Variants in GRIP1 observed in about 807,000 individuals in gnomAD.
GRIP1 encodes the protein glutamate receptor-interacting protein 1.
A neutral mutation model predicts 129.9 loss-of-function variants in GRIP1; 45 were observed. That is an observed-to-expected ratio of 0.35 (90% CI 0.27 to 0.44). GRIP1 has a LOEUF of 0.44. Ranked by LOEUF, GRIP1 falls within the 20% of genes least tolerant of loss-of-function variation. The probability of loss-of-function intolerance (pLI) is 1.00; values close to 1 mark genes in which losing one functional copy is unlikely to be tolerated. For synonymous variants in GRIP1, 530 were observed against 520.8 expected (o/e 1.02, Z -0.24); for missense variants, 1,196 against 1,396.8 (o/e 0.86, Z 2.29).
At chr12:66,675,696 C>T (rs1047071744) in intron 1 of GRIP1, among the ~76,000 whole-genome samples, 3 of 152,240 alleles carry the variant, frequency 2.0e-5, no homozygotes, top group East Asian at 1.9e-4. Context: ...TGGGATTTGG[C>T]TCTAAGGTTG....
rs780597898 is a variant in GRIP1, at chr12:66,392,453, A to G, written c.2319T>C (p.Ser773=). The change falls in exon 19 of 25, where the codon AGT becomes AGC. Residue 773 remains serine (S), a synonymous_variant. Transcript: ENST00000359742. ...AGTCCTCCTCCACATCCCCCAGGTC[A>G]CTCAAATGGCTAGAAATAGGGAACT... ...PKKFPISSHL[S]DLGDVEEDSS... 3.1e-6 allele frequency: 5 copies of G among 1,614,078 alleles called. No homozygotes were observed. Among genetic ancestry groups the G allele is most frequent in the Non-Finnish European group, 4.2e-6 (5 of 1,180,004 alleles).
chr12:66,986,816 C>A (rs2042319134), intron 1 of GRIP1, among the ~76,000 whole-genome samples: 1 of 147,690 alleles, frequency 6.8e-6, no homozygotes, highest in African/African-American at 2.5e-5. Flanking sequence ...TACCCTAAAA[C>A]TTAAAGTATA....
At chr12:66,987,391 C>A (rs1206716382) in intron 1 of GRIP1, among the ~76,000 whole-genome samples, 1 of 152,174 alleles carries the variant, frequency 6.6e-6, no homozygotes, top group Non-Finnish European at 1.5e-5. Context: ...CAGGCTTTTA[C>A]TTTTCTGACA....
At chr12:66,687,785 A>G (rs983523740) in intron 1 of GRIP1, among the ~76,000 whole-genome samples, 15 of 151,822 alleles carry the variant, frequency 9.9e-5, no homozygotes, top group African/African-American at 3.6e-4. Flanking sequence ...TGGAGCTGGC[A>G]CTCCCCTACG....
intron 1 of GRIP1, among the ~76,000 whole-genome samples, chr12:66,691,445 CA>C (rs2034979248): frequency 6.6e-6 from 1 of 152,150 alleles, no homozygotes; most frequent in South Asian, 2.1e-4. Context: ...AATTTACTTT[CA>C]AGTTTTTACA....
At chr12:66,884,859 A>G (rs948734547) in intron 1 of GRIP1, among the ~76,000 whole-genome samples, 3 of 152,138 alleles carry the variant, frequency 2.0e-5, no homozygotes, top group African/African-American at 7.2e-5. Context: ...AAAATTCTCC[A>G]CTCTTTGAAG....
intron 1 of GRIP1, among the ~76,000 whole-genome samples, chr12:66,842,330 T>C (rs1340397479): frequency 6.6e-6 from 1 of 152,056 alleles, no homozygotes; most frequent in Non-Finnish European, 1.5e-5. Context: ...ACCAATACAA[T>C]TGTATATTGG....
At chr12:66,882,759 T>C (rs996747038) in intron 1 of GRIP1, among the ~76,000 whole-genome samples, 7 of 152,214 alleles carry the variant, frequency 4.6e-5, no homozygotes, top group Non-Finnish European at 8.8e-5. Flanking sequence ...ATTTTGCTTT[T>C]CAGTTCCAAA....
intron 1 of GRIP1, among the ~76,000 whole-genome samples, chr12:66,871,546 AATG>A (rs2040296333): frequency 6.6e-6 from 1 of 152,076 alleles, no homozygotes; most frequent in Non-Finnish European, 1.5e-5. Context: ...TGAGGTGCTT[AATG>A]AAATACCTGG....
intron 1 of GRIP1, among the ~76,000 whole-genome samples, chr12:66,730,701 CAAAA>C (rs3051132): frequency 1.4e-5 from 1 of 71,184 alleles, no homozygotes; most frequent in Non-Finnish European, 2.7e-5. Flanking sequence ...GGGTCATCTA[CAAAA>C]AAAAAAAAAA....
At chr12:66,766,661 A>G (rs781473746) in intron 1 of GRIP1, among the ~76,000 whole-genome samples, 2 of 151,788 alleles carry the variant, frequency 1.3e-5, no homozygotes, top group Non-Finnish European at 2.9e-5. Context: ...ATGTAGGGAG[A>G]TTCAGTAACA....
upstream of GRIP1, among the ~76,000 whole-genome samples, chr12:66,806,903 G>T (rs1201665619): frequency 6.6e-6 from 1 of 151,884 alleles, no homozygotes; most frequent in East Asian, 1.9e-4. Context: ...TGGGGAGGAG[G>T]AGTTCAGAGT....
intron 1 of GRIP1, among the ~76,000 whole-genome samples, chr12:66,751,482 C>A (rs777280222): frequency 1.3e-5 from 2 of 152,116 alleles, no homozygotes; most frequent in African/African-American, 2.4e-5. Flanking sequence ...AGGATTGTTT[C>A]TGCCAAAAGG....
chr12:66,546,891 G>GA (rs1009101969), intron 2 of GRIP1, among the ~76,000 whole-genome samples: 43 of 150,282 alleles, frequency 2.9e-4, no homozygotes, highest in Admixed American at 2.5e-3. Flanking sequence ...TCCATAAAAG[G>GA]AAAAAAAAAT....
intron 2 of GRIP1, among the ~76,000 whole-genome samples, chr12:66,564,315 C>A (rs12226962): frequency 7.1e-6 from 1 of 140,520 alleles, no homozygotes; most frequent in Non-Finnish European, 1.5e-5. Context: ...TGTGATGTTC[C>A]CTACCCTGTG....
intron 7 of GRIP1, among the ~76,000 whole-genome samples, chr12:66,491,723 A>G (rs2060109396): frequency 6.6e-6 from 1 of 152,232 alleles, no homozygotes; most frequent in African/African-American, 2.4e-5. Context: ...TTCCTCATTT[A>G]CTTTAAAAAG....
intron 2 of GRIP1, among the ~76,000 whole-genome samples, chr12:66,565,495 G>T (rs1430961250): frequency 1.3e-5 from 2 of 151,994 alleles, no homozygotes; most frequent in Non-Finnish European, 2.9e-5. Flanking sequence ...CTCTGTTTTG[G>T]TACCAGTACC....
chr12:66,767,932 C>G (rs1049684519), intron 1 of GRIP1, among the ~76,000 whole-genome samples: 1 of 152,160 alleles, frequency 6.6e-6, no homozygotes, highest in African/African-American at 2.4e-5. Context: ...CCACAGTCCT[C>G]ATAGGAAGAG....
At chr12:66,402,541 A>T (rs2057039949) in intron 16 of GRIP1, among the ~76,000 whole-genome samples, 1 of 152,246 alleles carries the variant, frequency 6.6e-6, no homozygotes. Flanking sequence ...CCCCAATTGC[A>T]GTACAAGCTA....
Sources: allele counts gnomAD v4.1 joint callset (sites outside exome capture counted in the v4.1 genomes callset), GRCh38; gene constraint gnomAD v4.1.1; transcripts MANE v1.5; gene names NCBI Gene and HGNC (gene_info 2026-07-23, HGNC 2026-07-21).